Variants in RPP21 observed in about 807,000 individuals in gnomAD.
RPP21 encodes the protein ribonuclease P protein subunit p21.
RPP21 carries 21 observed loss-of-function variants against 19.0 expected under a neutral mutation model. The observed-to-expected ratio is 1.11, with a 90% CI of 0.78 to 1.59. The LOEUF (loss-of-function observed/expected upper bound fraction) is 1.59. Ranked by LOEUF, RPP21 falls within the 40% of genes most tolerant of loss-of-function variation. The pLI, the probability that RPP21 is intolerant of heterozygous loss-of-function variation, is 0.00. For missense variants in RPP21, 215 were observed against 200.2 expected (o/e 1.07, Z -0.45); for synonymous variants, 93 against 78.7 (o/e 1.18, Z -0.96).
Position 30,346,697 on chromosome 6 carries a change from C to G in RPP21, c.368-16C>G. 6.2e-7 allele frequency: 1 copy of G among 1,613,824 alleles called. No individual in the cohort carries two copies. Among genetic ancestry groups the G allele is most frequent in the Non-Finnish European group, 8.5e-7 (1 of 1,180,018 alleles). ...GAAAACTAATTCTGTTTCTCTGATT[C>G]TGCTCATTTACTCAGATTCCAAACC... On this transcript the variant is annotated splice_polypyrimidine_tract_variant and intron_variant, in intron 4 of 4. Transcript: ENST00000442966. The surrounding 1 kb of genome is among the most constrained non-coding windows in gnomAD (Gnocchi z 4.7).
At chr6:30,345,630 G>A (rs1788074391) in intron 3 of RPP21, 57 bp downstream of exon 3, 4 of 1,395,526 alleles carry the variant, frequency 2.9e-6, no homozygotes, top group East Asian at 2.5e-5. Context: ...GGAGGGGGGC[G>A]GGGTGGGGGG....
At position 30,346,587 on chromosome 6, in the gene RPP21, C is replaced by A. The variant is rs758237042; in HGVS notation, c.367+30C>A. 2.5e-6 allele frequency: 4 copies of A among 1,613,886 alleles called. No individual in the cohort carries two copies. The highest frequency in any genetic ancestry group is 1.7e-5 in the Admixed American group (1 of 60,000). On this transcript the variant is annotated intron_variant, in intron 4 of 4. Transcript: ENST00000442966. The surrounding 1 kb of genome is among the most constrained non-coding windows in gnomAD (Gnocchi z 4.7). ...GAGGTGAGGGAGAAAATGGAGGACA[C>A]CCCAGAGGATAGGGACAATGGAGAA... is the stretch of plus-strand genomic sequence containing the variant.
At position 30,345,319 on chromosome 6, in the gene RPP21, C is replaced by G. The variant is rs1787993836; in HGVS notation, c.79C>G (p.Gln27Glu). 1 of 1,613,670 alleles carries G rather than the reference C, an allele frequency of 6.2e-7. No homozygotes were observed. Among genetic ancestry groups the G allele is most frequent in the South Asian group, 1.1e-5 (1 of 91,078 alleles). Reference protein sequence around the residue: ...LYQAAHCVLAQDPENQALARF... With the variant: ...LYQAAHCVLAEDPENQALARF... ...GCAGGCCGCCCATTGTGTCCTTGCC[C>G]AGGACCCCGAGAACCAGGCGCTGGC... The change falls in exon 2 of 5, where the codon CAG becomes GAG. Residue 27 changes from glutamine (Q) to glutamate (E), a missense_variant. By Grantham distance (29) the Gln-to-Glu change is conservative. Coordinates refer to ENST00000442966, the MANE Select transcript of RPP21 (RefSeq NM_024839.4).
chr6:30,345,386 T>C lies in RPP21; in HGVS notation c.146T>C (p.Leu49Pro). 2 of 1,612,464 alleles carry C rather than the reference T, an allele frequency of 1.2e-6. No homozygotes were observed. The highest frequency in any genetic ancestry group is 8.5e-7 in the Non-Finnish European group (1 of 1,179,746). The change falls in exon 2 of 5, where the codon CTC becomes CCC. Residue 49 changes from leucine to proline, a missense_variant. Coordinates refer to ENST00000442966, the MANE Select transcript of RPP21 (RefSeq NM_024839.4). ...ACTGAGAGGACCATTGCGAAGCGGC[T>C]CGTCTTGCGGCGGTGAGACAGCCAC... The part of the protein sequence containing the change: ...CYTERTIAKR[L>P]VLRRDPSVKR...
Position 30,346,693 on chromosome 6 carries a change from G to A in RPP21, c.368-20G>A, listed in dbSNP as rs557943492. 3.0e-4 allele frequency: 477 copies of A among 1,613,726 alleles called. No individual in the cohort carries two copies. The highest frequency in any genetic ancestry group is 4.9e-4 in the Middle Eastern group (3 of 6,084). On this transcript the variant is annotated intron_variant, in intron 4 of 4. Coordinates refer to ENST00000442966, the MANE Select transcript of RPP21 (RefSeq NM_024839.4). The surrounding 1 kb of genome is among the most constrained non-coding windows in gnomAD (Gnocchi z 4.7). ...GTCAGAAAACTAATTCTGTTTCTCT[G>A]ATTCTGCTCATTTACTCAGATTCCA...
At position 30,346,788 on chromosome 6, in the gene RPP21, CT is replaced by C. The variant is rs1554255939; in HGVS notation, c.444del (p.Gln149ArgfsTer15). 1 of 1,613,208 alleles carries C rather than the reference CT, an allele frequency of 6.2e-7. No individual in the cohort carries two copies. The highest frequency in any genetic ancestry group is 8.5e-7 in the Non-Finnish European group (1 of 1,180,022). ...SDRLPEEKMQTQGSSNQ is the reference protein window; with the variant it reads ...SDRLPEEKMQXQGSSNQ The stretch of plus-strand genomic sequence containing the variant: ...CGCCTTCCTGAGGAGAAAATGCAGA[CT>C]CAGGGTTCCAGTAACCAGTGATGGA... On this transcript the variant is annotated frameshift_variant, in exon 5 of 5. Transcript: ENST00000442966. LOFTEE classifies it high-confidence loss of function. This position sits in a 1 kb window ranked among gnomAD's most constrained non-coding sequence, Gnocchi z 4.7.
At chr6:30,345,631 G>C (rs1788074786) in intron 3 of RPP21, 58 bp downstream of exon 3, 32 of 1,399,578 alleles carry the variant, frequency 2.3e-5, no homozygotes, top group African/African-American at 2.0e-4. Flanking sequence ...GAGGGGGGCG[G>C]GGTGGGGGGC....
At position 30,346,624 on chromosome 6, in the gene RPP21, GA is replaced by G. The variant is rs1562439995; in HGVS notation, c.367+68del. The stretch of plus-strand genomic sequence containing the variant: ...GGGACAATGGAGAACGTAGAGTGAA[GA>G]GGACACATGGACAGGTTCTGGGTTG... On this transcript the variant is annotated intron_variant, in intron 4 of 4. Transcript: ENST00000442966. This position sits in a 1 kb window ranked among gnomAD's most constrained non-coding sequence, Gnocchi z 4.7. The G allele has an allele frequency of 6.2e-7, 1 of 1,613,790 alleles. No homozygotes were observed. The highest frequency in any genetic ancestry group is 1.3e-5 in the African/African-American group (1 of 74,908).
Position 30,346,251 on chromosome 6 carries a change from C to T in RPP21, c.242-181C>T. The T allele has an allele frequency of 9.1e-7, 1 of 1,102,992 alleles. No individual in the cohort carries two copies. Among genetic ancestry groups the T allele is most frequent in the Non-Finnish European group, 1.3e-6 (1 of 793,608 alleles). 68.3% of individuals were successfully genotyped at this position (1,102,992 alleles called of 1,614,324 possible). A position where few individuals can be genotyped will look rare whatever the true frequency, so the allele number is the denominator to read the frequency against. ...TCTTGTTAGGGAGTTTGAACTTTATCTTAAAGAGTTCCAGGAAATCGATGG... is the reference window on the plus strand; with the variant it reads ...TCTTGTTAGGGAGTTTGAACTTTATTTTAAAGAGTTCCAGGAAATCGATGG... On this transcript the variant is annotated intron_variant, in intron 3 of 4. Coordinates refer to ENST00000442966, the MANE Select transcript of RPP21 (RefSeq NM_024839.4). This position sits in a 1 kb window ranked among gnomAD's most constrained non-coding sequence, Gnocchi z 4.7.
Position 30,345,411 on chromosome 6 carries a change from C to T in RPP21, c.158+13C>T. The T allele has an allele frequency of 6.2e-7, 1 of 1,611,716 alleles. No homozygotes were observed. Reference sequence around the variant, plus strand: ...TCGTCTTGCGGCGGTGAGACAGCCACGGGGCGGGCGGCGGGCGGGACGCGG... The same window carrying T: ...TCGTCTTGCGGCGGTGAGACAGCCATGGGGCGGGCGGCGGGCGGGACGCGG... On this transcript the variant is annotated intron_variant, in intron 2 of 4. Transcript: ENST00000442966.
At position 30,345,315 on chromosome 6, in the gene RPP21, T is replaced by C; in HGVS notation, c.75T>C (p.Leu25=). 12 of 1,613,706 alleles carry C rather than the reference T, an allele frequency of 7.4e-6. No homozygotes were observed. The highest frequency in any genetic ancestry group is 1.0e-5 in the Non-Finnish European group (12 of 1,179,922). Reference sequence around the variant, plus strand: ...TCCCGCAGGCCGCCCATTGTGTCCTTGCCCAGGACCCCGAGAACCAGGCGC... The same window carrying C: ...TCCCGCAGGCCGCCCATTGTGTCCTCGCCCAGGACCCCGAGAACCAGGCGC... The part of the protein sequence containing the change: ...NFLYQAAHCV[L]AQDPENQALA... The change falls in exon 2 of 5, where the codon CTT becomes CTC. Residue 25 remains leucine, a synonymous_variant. Transcript: ENST00000442966.
Position 30,346,154 on chromosome 6 carries a change from T to G in RPP21, c.242-278T>G. 1 of 405,900 alleles carries G rather than the reference T, an allele frequency of 2.5e-6. No individual in the cohort carries two copies. Among genetic ancestry groups the G allele is most frequent in the East Asian group, 4.5e-5 (1 of 22,128 alleles). 25.1% of individuals were successfully genotyped at this position (405,900 alleles called of 1,614,324 possible). A position where few individuals can be genotyped will look rare whatever the true frequency, so the allele number is the denominator to read the frequency against. On this transcript the variant is annotated intron_variant, in intron 3 of 4. Coordinates refer to ENST00000442966, the MANE Select transcript of RPP21 (RefSeq NM_024839.4). This position sits in a 1 kb window ranked among gnomAD's most constrained non-coding sequence, Gnocchi z 4.7. ...TGTGGTGCTGTCAAAGAAATGAGAG[T>G]TCAGGAGGCTGGAGTTTGAGGTAGG... is the stretch of plus-strand genomic sequence containing the variant.
Position 30,346,148 on chromosome 6 carries a change from T to G in RPP21, c.242-284T>G. 1.3e-5 allele frequency: 5 copies of G among 380,824 alleles called. No individual in the cohort carries two copies. Among genetic ancestry groups the G allele is most frequent in the Admixed American group, 4.2e-5 (1 of 23,862 alleles). The allele number at this position is 380,824 out of a possible 1,614,324, so 23.6% of individuals were successfully genotyped here. A position where few individuals can be genotyped will look rare whatever the true frequency, so the allele number is the denominator to read the frequency against. ...AGAGCTTGTGGTGCTGTCAAAGAAA[T>G]GAGAGTTCAGGAGGCTGGAGTTTGA... On this transcript the variant is annotated intron_variant, in intron 3 of 4. Transcript: ENST00000442966. The surrounding 1 kb of genome is among the most constrained non-coding windows in gnomAD (Gnocchi z 4.7).
chr6:30,345,521 A>T lies in RPP21; in HGVS notation c.189A>T (p.Arg63=). 4 of 1,597,810 alleles carry T rather than the reference A, an allele frequency of 2.5e-6. No homozygotes were observed. Among genetic ancestry groups the T allele is most frequent in the Non-Finnish European group, 3.4e-6 (4 of 1,172,018 alleles). ...CCTCGGTGAAGAGGACTCTCTGTCG[A>T]GGCTGCTCTTCCCTCCTCGTCCCGG... The part of the protein sequence containing the change: ...RDPSVKRTLC[R]GCSSLLVPGL... The change falls in exon 3 of 5, where the codon CGA becomes CGT. Residue 63 remains arginine, a synonymous_variant. Coordinates refer to ENST00000442966, the MANE Select transcript of RPP21 (RefSeq NM_024839.4).
In RPP21 at chr6:30,346,690, T is replaced by C. The variant is rs542137833; in HGVS notation, c.368-23T>C. 4.0e-5 allele frequency: 64 copies of C among 1,613,936 alleles called. No individual in the cohort carries two copies. In the East Asian group the frequency reaches 1.2e-3, roughly 31 times the overall value. On this transcript the variant is annotated intron_variant, in intron 4 of 4. Transcript: ENST00000442966. The surrounding 1 kb of genome is among the most constrained non-coding windows in gnomAD (Gnocchi z 4.7). ...ACAGTCAGAAAACTAATTCTGTTTC[T>C]CTGATTCTGCTCATTTACTCAGATT...
chr6:30,345,637 G>C (rs1304274048), intron 3 of RPP21, 64 bp downstream of exon 3: 2 of 1,384,326 alleles, frequency 1.4e-6, no homozygotes, highest in Non-Finnish European at 1.9e-6. Flanking sequence ...GGCGGGGTGG[G>C]GGGCGGGCAC....
chr6:30,346,485 C>T lies in RPP21; in HGVS notation c.295C>T (p.Gln99Ter). Reference sequence around the variant, plus strand: ...GACCTGCCTAACATGCCAGCGCAGCCAACGCTTCCTCAATGATCCCGGGCA... The same window carrying T: ...GACCTGCCTAACATGCCAGCGCAGCTAACGCTTCCTCAATGATCCCGGGCA... ...VQTCLTCQRS[Q>*]RFLNDPGHLL... Residue 99 changes from glutamine (Q) to a stop codon, truncating the protein, a stop_gained, in exon 4 of 5, where the codon CAA (glutamine) becomes TAA (stop). Transcript: ENST00000442966. LOFTEE classifies it high-confidence loss of function. The surrounding 1 kb of genome is among the most constrained non-coding windows in gnomAD (Gnocchi z 4.7). 1 of 1,614,146 alleles carries T rather than the reference C, an allele frequency of 6.2e-7. No homozygotes were observed. Among genetic ancestry groups the T allele is most frequent in the Non-Finnish European group, 8.5e-7 (1 of 1,180,036 alleles).
Position 30,346,208 on chromosome 6 carries a change from A to C in RPP21, c.242-224A>C. ...GCAAAACATGAGACTGGAGGGGGAA[A>C]CAGGCCAGTTCTTGAAGTCTTGTTA... On this transcript the variant is annotated intron_variant, in intron 3 of 4. Coordinates refer to ENST00000442966, the MANE Select transcript of RPP21 (RefSeq NM_024839.4). The surrounding 1 kb of genome is among the most constrained non-coding windows in gnomAD (Gnocchi z 4.7). 1 of 710,704 alleles carries C rather than the reference A, an allele frequency of 1.4e-6. No homozygotes were observed. The highest frequency in any genetic ancestry group is 2.1e-6 in the Non-Finnish European group (1 of 468,766). The allele number at this position is 710,704 out of a possible 1,614,324, so 44.0% of individuals were successfully genotyped here.
At position 30,345,348 on chromosome 6, in the gene RPP21, GT is replaced by G; in HGVS notation, c.112del (p.Tyr38ThrfsTer20). 6.2e-7 allele frequency: 1 copy of G among 1,613,454 alleles called. No individual in the cohort carries two copies. Among genetic ancestry groups the G allele is most frequent in the Non-Finnish European group, 8.5e-7 (1 of 1,179,908 alleles). Reference sequence around the variant, plus strand: ...ACCCCGAGAACCAGGCGCTGGCGAGGTTTTACTGCTACACTGAGAGGACCAT... The same window carrying G: ...ACCCCGAGAACCAGGCGCTGGCGAGGTTTACTGCTACACTGAGAGGACCAT... The part of the protein sequence containing the change: ...QDPENQALAR[F>X]YCYTERTIAK... On this transcript the variant is annotated frameshift_variant, in exon 2 of 5. Transcript: ENST00000442966. LOFTEE classifies it high-confidence loss of function.
Sources: gnomAD v4.1 joint callset for allele counts on GRCh38, gnomAD v4.1.1 for gene constraint, Gnocchi (gnomAD v3.1) non-coding constraint, MANE v1.5 for transcripts, NCBI Gene and HGNC (gene_info 2026-07-23, HGNC 2026-07-21) for gene names.